CHCHD3: variants seen among roughly 807,000 people sequenced by gnomAD.
CHCHD3 encodes the protein MICOS complex subunit MIC19.
A neutral mutation model predicts 38.2 loss-of-function variants in CHCHD3; 20 were observed. That is an observed-to-expected ratio of 0.52 (90% CI 0.37 to 0.76). The LOEUF is 0.76. CHCHD3 is among the 30% of genes least tolerant of loss of function. The pLI, the probability that CHCHD3 is intolerant of heterozygous loss-of-function variation, is 0.00. For missense variants in CHCHD3, 245 were observed against 279.2 expected, an observed-to-expected ratio of 0.88 and a Z score of 0.87; for synonymous variants, 82 against 100.0, an observed-to-expected ratio of 0.82 and a Z score of 1.07.
intron 6 of CHCHD3, among the ~76,000 whole-genome samples, chr7:132,836,653 T>G (rs947699888): frequency 6.6e-6 from 1 of 151,972 alleles, no homozygotes; most frequent in Non-Finnish European, 1.5e-5. Flanking sequence ...AAGTTGTTCT[T>G]TTGTAGATAC....
At chr7:132,978,739 C>G (rs1482619366) in intron 3 of CHCHD3, among the ~76,000 whole-genome samples, 1 of 152,078 alleles carries the variant, frequency 6.6e-6, no homozygotes, top group Non-Finnish European at 1.5e-5. Flanking sequence ...ACAGGAGGTG[C>G]CACAACAGTC....
intron 4 of CHCHD3, among the ~76,000 whole-genome samples, chr7:132,922,257 C>A (rs899278810): frequency 6.6e-6 from 1 of 152,034 alleles, no homozygotes; most frequent in African/African-American, 2.4e-5. Flanking sequence ...AGCACTGGAC[C>A]CTTAAGAAGG....
intron 3 of CHCHD3, among the ~76,000 whole-genome samples, chr7:132,980,615 T>C (rs768279579): frequency 3.9e-5 from 6 of 152,202 alleles, no homozygotes; most frequent in Admixed American, 1.3e-4. Context: ...GTGCTGCCCT[T>C]AGACCTCAAG....
chr7:133,016,725 T>A (rs1813041265), intron 3 of CHCHD3, among the ~76,000 whole-genome samples: 2 of 152,192 alleles, frequency 1.3e-5, no homozygotes, highest in Admixed American at 6.5e-5. Flanking sequence ...AAACAGGGAC[T>A]CTCTCTGAAT....
intron 2 of CHCHD3, among the ~76,000 whole-genome samples, chr7:133,039,262 CATG>C (rs1304180017): frequency 6.6e-6 from 1 of 152,148 alleles, no homozygotes; most frequent in African/African-American, 2.4e-5. Context: ...GCTTTCAAGA[CATG>C]GTAGCAATGA....
chr7:133,001,077 A>C (rs1302239315), intron 3 of CHCHD3, among the ~76,000 whole-genome samples: 5 of 152,176 alleles, frequency 3.3e-5, no homozygotes, highest in African/African-American at 1.2e-4. Context: ...TTTAGATGGC[A>C]TCTCCCTCAC....
chr7:132,805,535 G>A (rs1806896888), intron 6 of CHCHD3, among the ~76,000 whole-genome samples: 1 of 152,066 alleles, frequency 6.6e-6, no homozygotes. Context: ...GGAGGGGCCG[G>A]GATATGGACA....
At chr7:133,049,499 T>C (rs1013881572) in intron 2 of CHCHD3, among the ~76,000 whole-genome samples, 4 of 152,230 alleles carry the variant, frequency 2.6e-5, no homozygotes, top group African/African-American at 9.6e-5. Context: ...AAGACTATAA[T>C]GTGCTTGTTA....
At chr7:133,049,175 C>T (rs1360776628) in intron 2 of CHCHD3, among the ~76,000 whole-genome samples, 1 of 152,118 alleles carries the variant, frequency 6.6e-6, no homozygotes, top group Non-Finnish European at 1.5e-5. Context: ...AAACACATGA[C>T]GATAAATTGC....
At chr7:132,866,008 C>T (rs1467173839) in intron 5 of CHCHD3, among the ~76,000 whole-genome samples, 2 of 152,154 alleles carry the variant, frequency 1.3e-5, no homozygotes, top group East Asian at 1.9e-4. Context: ...GAGTTGATCA[C>T]GACCCCTCAT....
At chr7:132,936,765 G>A (rs971103641) in intron 4 of CHCHD3, among the ~76,000 whole-genome samples, 3 of 152,152 alleles carry the variant, frequency 2.0e-5, no homozygotes, top group Admixed American at 2.0e-4. Context: ...TTGATAAAAC[G>A]TGCTAAAGTT....
chr7:132,986,484 AG>A (rs1812128315), intron 3 of CHCHD3, among the ~76,000 whole-genome samples: 1 of 152,130 alleles, frequency 6.6e-6, no homozygotes, highest in Admixed American at 6.5e-5. Context: ...AAGAAAGGAA[AG>A]GCTTACCTAT....
At chr7:132,966,210 C>A (rs141533419) in intron 4 of CHCHD3, among the ~76,000 whole-genome samples, 1 of 152,104 alleles carries the variant, frequency 6.6e-6, no homozygotes, top group Non-Finnish European at 1.5e-5. Context: ...AGAACGGAAG[C>A]CTTACTTCAT....
chr7:133,050,340 T>TAAAA lies in CHCHD3; in HGVS notation c.169+19798_169+19801dup, dbSNP rs35635002. Among the ~76,000 whole-genome samples, 38 of 31,846 alleles carry TAAAA rather than the reference T, an allele frequency of 1.2e-3. 5 individuals are homozygous for TAAAA. Among genetic ancestry groups the TAAAA allele is most frequent in the Non-Finnish European group, 1.1e-3 (18 of 15,940 alleles). 20.9% of individuals were successfully genotyped at this position (31,846 alleles called of 152,430 possible). ...CTGAGTAACAGAGGAGGCTGTGTCTTAAAAAAAAAAAAAAAAAAAAAAAAA... is the reference window on the plus strand; with the variant it reads ...CTGAGTAACAGAGGAGGCTGTGTCTTAAAAAAAAAAAAAAAAAAAAAAAAAAAAA... On this transcript the variant is annotated intron_variant, in intron 2 of 7. Coordinates refer to ENST00000262570, the MANE Select transcript of CHCHD3 (RefSeq NM_017812.4).
At chr7:133,022,834 G>T in intron 3 of CHCHD3, among the ~76,000 whole-genome samples, 1 of 130,806 alleles carries the variant, frequency 7.6e-6, no homozygotes, top group East Asian at 2.3e-4. Context: ...AGAGCAAATG[G>T]AAGCTGAATA....
chr7:133,028,141 G>T (rs1463889977), intron 2 of CHCHD3, among the ~76,000 whole-genome samples: 2 of 152,130 alleles, frequency 1.3e-5, no homozygotes, highest in African/African-American at 4.8e-5. Flanking sequence ...TAATTAGTAT[G>T]ATTGATCATA....
At chr7:132,898,997 C>A (rs746954865) in intron 4 of CHCHD3, among the ~76,000 whole-genome samples, 1 of 152,222 alleles carries the variant, frequency 6.6e-6, no homozygotes. Context: ...CCCTCCACAC[C>A]TCCCTACAAG....
intron 1 of CHCHD3, among the ~76,000 whole-genome samples, chr7:133,073,853 C>T (rs905542748): frequency 6.6e-6 from 1 of 152,182 alleles, no homozygotes; most frequent in South Asian, 2.1e-4. Flanking sequence ...AACTCTCCAA[C>T]CTCAAATTCT....
chr7:133,067,273 A>G (rs1814696051), intron 2 of CHCHD3, among the ~76,000 whole-genome samples: 1 of 131,458 alleles, frequency 7.6e-6, no homozygotes, highest in South Asian at 2.3e-4. Context: ...AGGAGGTAGG[A>G]AAAAAAATCT....
Sources: allele counts gnomAD v4.1 joint callset (sites outside exome capture counted in the v4.1 genomes callset), GRCh38; gene constraint gnomAD v4.1.1; transcripts MANE v1.5; gene names NCBI Gene and HGNC (gene_info 2026-07-23, HGNC 2026-07-21).